Variants in MAML3 observed in about 807,000 individuals in gnomAD.
MAML3 encodes mastermind like transcriptional coactivator 3, also known as mastermind-like protein 3.
In MAML3, 27 loss-of-function variants were observed where a neutral mutation model predicts 101.9. That is an observed-to-expected ratio of 0.27 (90% CI 0.20 to 0.37). The LOEUF is 0.37. Ranked by LOEUF, MAML3 falls within the 10% of genes least tolerant of loss-of-function variation. The pLI is 1.00. For missense variants in MAML3, 1,316 were observed against 1,444.9 expected (o/e 0.91, Z 1.45); for synonymous variants, 501 against 555.9 (o/e 0.90, Z 1.39).
At chr4:140,104,772 A>G (rs1227251323) in intron 1 of MAML3, among the ~76,000 whole-genome samples, 3 of 151,906 alleles carry the variant, frequency 2.0e-5, no homozygotes, top group Admixed American at 1.3e-4. Context: ...GATTACAGAC[A>G]TGAGTCACTG....
intron 2 of MAML3, among the ~76,000 whole-genome samples, chr4:139,830,408 C>CTTTTTTT (rs1560807162): frequency 1.5e-4 from 21 of 143,524 alleles, no homozygotes; most frequent in African/African-American, 5.9e-4. Context: ...GCACGCTGTG[C>CTTTTTTT]TATTTTTTTT....
At chr4:139,832,826 A>G (rs1462986234) in intron 2 of MAML3, among the ~76,000 whole-genome samples, 1 of 152,258 alleles carries the variant, frequency 6.6e-6, no homozygotes, top group African/African-American at 2.4e-5. Flanking sequence ...TTAGGCAGTC[A>G]GTTTAAGTAT....
intron 1 of MAML3, among the ~76,000 whole-genome samples, chr4:140,010,208 T>C (rs1169214081): frequency 1.3e-5 from 2 of 152,216 alleles, no homozygotes; most frequent in Non-Finnish European, 2.9e-5. Flanking sequence ...ATGAGGGCAC[T>C]GGTTAGTTCT....
chr4:139,922,927 C>A (rs1307143604), intron 1 of MAML3, among the ~76,000 whole-genome samples: 1 of 152,160 alleles, frequency 6.6e-6, no homozygotes, highest in Non-Finnish European at 1.5e-5. Flanking sequence ...GCTGTTCCTT[C>A]AAAGGGTTTG....
At chr4:140,050,533 G>A (rs1727249902) in intron 1 of MAML3, among the ~76,000 whole-genome samples, 1 of 151,508 alleles carries the variant, frequency 6.6e-6, no homozygotes, top group African/African-American at 2.4e-5. Flanking sequence ...GTACATCCTC[G>A]CACCGCCTCC....
chr4:139,987,354 G>C (rs555324363), intron 1 of MAML3, among the ~76,000 whole-genome samples: 16 of 152,298 alleles, frequency 1.1e-4, no homozygotes, highest in Middle Eastern at 3.4e-3. Flanking sequence ...AACAGATGTC[G>C]ATTGTTTCTG....
At chr4:140,082,558 C>T (rs541494700) in intron 1 of MAML3, among the ~76,000 whole-genome samples, 1 of 152,226 alleles carries the variant, frequency 6.6e-6, no homozygotes, top group East Asian at 1.9e-4. Flanking sequence ...ACTATGGCCA[C>T]TAGCCCATAC....
intron 1 of MAML3, among the ~76,000 whole-genome samples, chr4:139,971,815 A>G (rs1160226698): frequency 1.3e-5 from 2 of 151,928 alleles, no homozygotes; most frequent in African/African-American, 4.8e-5. Context: ...AAGACACCTT[A>G]AAAAAAATCA....
Position 140,084,934 on chromosome 4 carries a change from C to T in MAML3, c.468+67926G>A, listed in dbSNP as rs187624641. 2.8e-4 allele frequency among the ~76,000 whole-genome samples: 43 copies of T among 152,162 alleles called. 1 individual carries two copies. The South Asian group carries it at 5.0e-3, about 18-fold the overall frequency. ...TAGTCCAATGTAACCTTAAAAACAT[C>T]GGGGGGCGGCAGGGGAGGATAGCTA... On this transcript the variant is annotated intron_variant, in intron 1 of 4. Transcript: ENST00000509479.
At chr4:139,854,163 T>C (rs957314962) in intron 2 of MAML3, among the ~76,000 whole-genome samples, 2 of 152,102 alleles carry the variant, frequency 1.3e-5, no homozygotes, top group African/African-American at 2.4e-5. Flanking sequence ...TTTCTTCACC[T>C]GAAAAACTGA....
chr4:139,988,326 C>CAAA (rs764018702), intron 1 of MAML3, among the ~76,000 whole-genome samples: 19 of 81,916 alleles, frequency 2.3e-4, no homozygotes, highest in African/African-American at 7.1e-4. Context: ...GACTCCGTCT[C>CAAA]AAAAAAAAAA....
intron 1 of MAML3, among the ~76,000 whole-genome samples, chr4:139,928,873 A>G (rs1459556062): frequency 6.6e-6 from 1 of 152,222 alleles, no homozygotes; most frequent in East Asian, 1.9e-4. Context: ...CGGACAGAGA[A>G]GATCTTTGGA....
intron 2 of MAML3, among the ~76,000 whole-genome samples, chr4:139,809,136 G>A (rs897502367): frequency 6.6e-6 from 1 of 152,140 alleles, no homozygotes; most frequent in Non-Finnish European, 1.5e-5. Flanking sequence ...ATGTTATCAG[G>A]GAGCTTGGGA....
At chr4:140,121,526 G>A (rs562316773) in intron 1 of MAML3, among the ~76,000 whole-genome samples, 1 of 152,248 alleles carries the variant, frequency 6.6e-6, no homozygotes, top group Non-Finnish European at 1.5e-5. Context: ...AAAGTAGAGA[G>A]AAAGCCTTCA....
In MAML3 at chr4:140,082,623, C is replaced by T. The variant is rs76294393; in HGVS notation, c.468+70237G>A. 2.1e-3 allele frequency among the ~76,000 whole-genome samples: 323 copies of T among 152,274 alleles called. 6 individuals are homozygous for T. In the East Asian group the frequency reaches 0.057, roughly 27 times the overall value. On this transcript the variant is annotated intron_variant, in intron 1 of 4. Coordinates refer to ENST00000509479, the MANE Select transcript of MAML3 (RefSeq NM_018717.5). ...ACAGCTCCCGACCTCACAGGCAAGT[C>T]CATCTCTATTGCTGTCAGGAAGTAA...
At chr4:140,004,324 C>G (rs945637153) in intron 1 of MAML3, among the ~76,000 whole-genome samples, 3 of 152,150 alleles carry the variant, frequency 2.0e-5, no homozygotes, top group South Asian at 2.1e-4. Flanking sequence ...CATTTACCCC[C>G]ACTCCCCTAG....
At chr4:140,135,390 A>G (rs1728866821) in intron 1 of MAML3, among the ~76,000 whole-genome samples, 1 of 152,266 alleles carries the variant, frequency 6.6e-6, no homozygotes, top group African/African-American at 2.4e-5. Context: ...AGAAGTACTG[A>G]GCACCAATGA....
intron 1 of MAML3, among the ~76,000 whole-genome samples, chr4:139,931,656 C>T (rs999622665): frequency 6.6e-6 from 1 of 152,072 alleles, no homozygotes; most frequent in East Asian, 1.9e-4. Flanking sequence ...CAACAATCCT[C>T]CTGTGCAGTC....
intron 2 of MAML3, among the ~76,000 whole-genome samples, chr4:139,788,692 G>T (rs1400150720): frequency 6.6e-6 from 1 of 152,254 alleles, no homozygotes; most frequent in African/African-American, 2.4e-5. Context: ...ATGAGATACA[G>T]TGAAATTTTG....
Sources: gnomAD v4.1 joint callset for allele counts (sites outside exome capture counted in the v4.1 genomes callset) on GRCh38, gnomAD v4.1.1 for gene constraint, MANE v1.5 for transcripts, NCBI Gene and HGNC (gene_info 2026-07-23, HGNC 2026-07-21) for gene names.